DNAJC5: variants seen among roughly 807,000 people sequenced by gnomAD.
DNAJC5 encodes the protein DnaJ heat shock protein family (Hsp40) member C5, also known as dnaJ homolog subfamily C member 5.
A neutral mutation model predicts 23.2 loss-of-function variants in DNAJC5; 1 was observed. The ratio of observed to expected loss-of-function variants is 0.04; its 90% CI spans 0.02 to 0.20. The LOEUF is 0.20. DNAJC5 is among the 10% of genes least tolerant of loss of function. The probability of loss-of-function intolerance (pLI) is 1.00; values close to 1 mark genes in which losing one functional copy is unlikely to be tolerated. For missense variants in DNAJC5, 180 were observed against 267.0 expected, an observed-to-expected ratio of 0.67 and a Z score of 2.27; for synonymous variants, 136 against 120.0, an observed-to-expected ratio of 1.13 and a Z score of -0.87.
At chr20:63,898,112 C>T (rs2053386476) in intron 1 of DNAJC5, among the ~76,000 whole-genome samples, 1 of 152,212 alleles carries the variant, frequency 6.6e-6, no homozygotes, top group African/African-American at 2.4e-5. Flanking sequence ...CGAGTCTTCT[C>T]TAGACCAGGT....
chr20:63,903,966 G>C (rs1250321640), intron 1 of DNAJC5, among the ~76,000 whole-genome samples: 1 of 152,062 alleles, frequency 6.6e-6, no homozygotes, highest in Non-Finnish European at 1.5e-5. Flanking sequence ...CATGCCTGTG[G>C]TCCCAGCTAC....
At chr20:63,925,866 C>T (rs1182383756) in intron 1 of DNAJC5, among the ~76,000 whole-genome samples, 7 of 140,000 alleles carry the variant, frequency 5.0e-5, no homozygotes, top group South Asian at 2.3e-4. Context: ...CTCGCTGTGT[C>T]GCCCAGGCTG....
intron 1 of DNAJC5, among the ~76,000 whole-genome samples, chr20:63,896,543 C>G (rs1246266530): frequency 1.3e-5 from 2 of 152,180 alleles, no homozygotes; most frequent in Non-Finnish European, 2.9e-5. Flanking sequence ...CCCTGACTCA[C>G]TCTGCACCTG....
At chr20:63,902,675 GT>G (rs35872737) in intron 1 of DNAJC5, among the ~76,000 whole-genome samples, 1,724 of 108,140 alleles carry the variant, frequency 0.016, 38 homozygotes, top group African/African-American at 0.056. Context: ...GCCTCATCTT[GT>G]TTTTTTTTTT....
At chr20:63,912,447 A>G (rs937339684) in intron 1 of DNAJC5, among the ~76,000 whole-genome samples, 6 of 152,078 alleles carry the variant, frequency 3.9e-5, no homozygotes, top group African/African-American at 1.4e-4. Context: ...GGAATAGATA[A>G]TATCTATTCC....
At position 63,931,148 on chromosome 20, in the gene DNAJC5, G is replaced by C. The variant is rs6122216; in HGVS notation, c.493+126G>C. ...TGTGCCGCGAGTGTTTGTGGTGGCA[G>C]CTGGGACTGTTGAGGTGTGAACGTG... On this transcript the variant is annotated intron_variant, in intron 4 of 4. Transcript: ENST00000360864. The surrounding 1 kb of genome is among the most constrained non-coding windows in gnomAD (Gnocchi z 9.6). 1.8e-6 allele frequency: 2 copies of C among 1,087,830 alleles called. No homozygotes were observed. The highest frequency in any genetic ancestry group is 2.7e-6 in the Non-Finnish European group (2 of 735,144). 67.4% of individuals were successfully genotyped at this position (1,087,830 alleles called of 1,614,324 possible). A position where few individuals can be genotyped will look rare whatever the true frequency, so the allele number is the denominator to read the frequency against.
chr20:63,907,756 C>G (rs1304500272), intron 1 of DNAJC5, among the ~76,000 whole-genome samples: 4 of 152,212 alleles, frequency 2.6e-5, no homozygotes, highest in African/African-American at 9.6e-5. Flanking sequence ...TTAACTACCT[C>G]TGAAATTTAG....
At position 63,913,473 on chromosome 20, in the gene DNAJC5, T is replaced by G. The variant is rs866941017; in HGVS notation, c.-11-14862T>G. On this transcript the variant is annotated intron_variant, in intron 1 of 4. Coordinates refer to ENST00000360864, the MANE Select transcript of DNAJC5 (RefSeq NM_025219.3). ...GTGCAGTGGTGCGGTCTCAGCTCAC[T>G]GCAGCCTCTGCCTCCTGGGTTCAAG... 2.6e-5 allele frequency among the ~76,000 whole-genome samples: 4 copies of G among 152,116 alleles called. No individual in the cohort carries two copies. The South Asian group carries it at 8.3e-4, about 32-fold the overall frequency.
chr20:63,933,207 C>G lies in DNAJC5; in HGVS notation c.*1639C>G, dbSNP rs1044415922. 6.5e-6 allele frequency: 1 copy of G among 152,880 alleles called. No homozygotes were observed. The highest frequency in any genetic ancestry group is 1.5e-5 in the Non-Finnish European group (1 of 68,334). The allele number at this position is 152,880 out of a possible 1,614,324, so 9.5% of individuals were successfully genotyped here. A position where few individuals can be genotyped will look rare whatever the true frequency, so the allele number is the denominator to read the frequency against. ...TCCTGAAGCCCCCTTCCCTGCCTGC[C>G]TGCTGACCCGTGGCCCCAGCTCACT... is the stretch of plus-strand genomic sequence containing the variant. On this transcript the variant is annotated 3_prime_UTR_variant, in exon 5 of 5. Transcript: ENST00000360864.
At chr20:63,927,554 AAG>A (rs1423579479) in intron 1 of DNAJC5, among the ~76,000 whole-genome samples, 4 of 145,990 alleles carry the variant, frequency 2.7e-5, no homozygotes, top group Non-Finnish European at 4.5e-5. Flanking sequence ...CCAAAAAAGA[AAG>A]AAAGAAACTG....
chr20:63,925,635 G>T (rs1229232250), intron 1 of DNAJC5, among the ~76,000 whole-genome samples: 1 of 151,500 alleles, frequency 6.6e-6, no homozygotes, highest in Non-Finnish European at 1.5e-5. Context: ...ACTGTCTTTG[G>T]CTTGGAGGTG....
At chr20:63,910,134 G>C (rs775074317) in intron 1 of DNAJC5, among the ~76,000 whole-genome samples, 1 of 152,174 alleles carries the variant, frequency 6.6e-6, no homozygotes, top group Non-Finnish European at 1.5e-5. Flanking sequence ...GCTTGTTCTA[G>C]GCCCCCTTTG....
chr20:63,931,195 C>G lies in DNAJC5; in HGVS notation c.493+173C>G. ...CGTGGACCCTGAGGTAAAGCAGGCGCATAGAGCTGTCCCCGCCGTGACCTG... is the reference window on the plus strand; with the variant it reads ...CGTGGACCCTGAGGTAAAGCAGGCGGATAGAGCTGTCCCCGCCGTGACCTG... On this transcript the variant is annotated intron_variant, in intron 4 of 4. Coordinates refer to ENST00000360864, the MANE Select transcript of DNAJC5 (RefSeq NM_025219.3). This position sits in a 1 kb window ranked among gnomAD's most constrained non-coding sequence, Gnocchi z 9.6. 1 of 820,272 alleles carries G rather than the reference C, an allele frequency of 1.2e-6. No homozygotes were observed. Among genetic ancestry groups the G allele is most frequent in the Admixed American group, 2.0e-5 (1 of 49,628 alleles). 50.8% of individuals were successfully genotyped at this position (820,272 alleles called of 1,614,324 possible).
At chr20:63,919,029 TA>T (rs2053539796) in intron 1 of DNAJC5, among the ~76,000 whole-genome samples, 1 of 152,262 alleles carries the variant, frequency 6.6e-6, no homozygotes, top group Admixed American at 6.5e-5. Flanking sequence ...TCCCCAACAG[TA>T]GTTTGAGTTC....
intron 1 of DNAJC5, among the ~76,000 whole-genome samples, chr20:63,918,332 A>G (rs1388023536): frequency 6.6e-6 from 1 of 152,172 alleles, no homozygotes; most frequent in East Asian, 1.9e-4. Context: ...CCTGGGCAAC[A>G]TAGCAAGACC....
At chr20:63,921,077 A>G (rs1363618992) in intron 1 of DNAJC5, among the ~76,000 whole-genome samples, 1 of 152,000 alleles carries the variant, frequency 6.6e-6, no homozygotes, top group Non-Finnish European at 1.5e-5. Context: ...CTTCTACCTC[A>G]GCCTCCTGAG....
Position 63,926,690 on chromosome 20 carries a change from G to A in DNAJC5, c.-11-1645G>A, listed in dbSNP as rs562447488. 2.4e-3 allele frequency among the ~76,000 whole-genome samples: 360 copies of A among 152,298 alleles called. 1 individual carries two copies. Among genetic ancestry groups the A allele is most frequent in the Non-Finnish European group, 4.2e-3 (283 of 68,014 alleles). ...CCCCGCTCAGGCTGGCAGGCGAGAA[G>A]GAAAACCCAGGCCAACTCCTCCTCC... On this transcript the variant is annotated intron_variant, in intron 1 of 4. Coordinates refer to ENST00000360864, the MANE Select transcript of DNAJC5 (RefSeq NM_025219.3).
rs1354966661 is a variant in DNAJC5, at chr20:63,933,194, C to G, written c.*1626C>G. ...AACCAGATGAGCCTCCTGAAGCCCC[C>G]TTCCCTGCCTGCCTGCTGACCCGTG... On this transcript the variant is annotated 3_prime_UTR_variant, in exon 5 of 5. Coordinates refer to ENST00000360864, the MANE Select transcript of DNAJC5 (RefSeq NM_025219.3). 6.5e-6 allele frequency: 1 copy of G among 152,946 alleles called. No homozygotes were observed. Among genetic ancestry groups the G allele is most frequent in the African/African-American group, 2.4e-5 (1 of 41,472 alleles). 9.5% of individuals were successfully genotyped at this position (152,946 alleles called of 1,614,324 possible). A position where few individuals can be genotyped will look rare whatever the true frequency, so the allele number is the denominator to read the frequency against.
intron 1 of DNAJC5, among the ~76,000 whole-genome samples, chr20:63,898,027 G>A (rs899536426): frequency 3.3e-5 from 5 of 152,216 alleles, no homozygotes; most frequent in African/African-American, 1.2e-4. Flanking sequence ...GAGCCTGGTT[G>A]TACAGCTGCC....
Sources: gnomAD v4.1 joint callset for allele counts (sites outside exome capture counted in the v4.1 genomes callset) on GRCh38, gnomAD v4.1.1 for gene constraint, Gnocchi (gnomAD v3.1) non-coding constraint, MANE v1.5 for transcripts, NCBI Gene and HGNC (gene_info 2026-07-23, HGNC 2026-07-21) for gene names.